Variants in IQANK1 observed in about 807,000 individuals in gnomAD.
IQANK1 encodes IQ motif and ankyrin repeat containing 1.
IQANK1 carries 30 observed loss-of-function variants against 22.6 expected under a neutral mutation model. The observed-to-expected ratio is 1.33, with a 90% confidence interval of 0.99 to 1.80. The LOEUF is 1.80. Among genes scored for constraint, IQANK1 ranks in the 40% most tolerant of loss-of-function variants. The probability of loss-of-function intolerance (pLI) is 0.00; values close to 1 mark genes in which losing one functional copy is unlikely to be tolerated. For missense variants in IQANK1, 275 were observed against 235.2 expected, an observed-to-expected ratio of 1.17 and a Z score of -1.11; for synonymous variants, 122 against 99.6, an observed-to-expected ratio of 1.23 and a Z score of -1.34.
intron 3 of IQANK1, among the ~76,000 whole-genome samples, chr8:143,749,265 A>C (rs1334861251): frequency 8.0e-6 from 1 of 124,944 alleles, no homozygotes; most frequent in African/African-American, 3.2e-5. Flanking sequence ...TATGATATAA[A>C]TGTATATATA....
chr8:143,749,982 T>G (rs1301341918), intron 3 of IQANK1, among the ~76,000 whole-genome samples: 1 of 151,790 alleles, frequency 6.6e-6, no homozygotes, highest in Non-Finnish European at 1.5e-5. Context: ...TGTGAACTTT[T>G]TTTTAAATTT....
In IQANK1 at chr8:143,768,358, G is replaced by A. The variant is rs1256134186; in HGVS notation, c.176-3130G>A. On this transcript the variant is annotated intron_variant, in intron 3 of 13. Coordinates refer to ENST00000527139, the MANE Select transcript of IQANK1 (RefSeq NM_001381874.1). ...TCTCACTGCTTGTGACGTTGCCCTC[G>A]ATCACTTAGTGGGGGGGTTTCCGCC... Among the ~76,000 whole-genome samples, 3 of 151,900 alleles carry A rather than the reference G, an allele frequency of 2.0e-5. No individual in the cohort carries two copies. The East Asian group carries it at 5.8e-4, about 29-fold the overall frequency.
intron 3 of IQANK1, among the ~76,000 whole-genome samples, chr8:143,749,474 A>G (rs1183225552): frequency 7.4e-6 from 1 of 135,960 alleles, no homozygotes; most frequent in Non-Finnish European, 1.5e-5. Context: ...ATATATAAAT[A>G]TATGTATAAA....
chr8:143,777,512 C>A (rs1345657096), intron 7 of IQANK1, among the ~76,000 whole-genome samples: 3 of 130,448 alleles, frequency 2.3e-5, no homozygotes, highest in Non-Finnish European at 3.2e-5. Flanking sequence ...CAGAACAAGA[C>A]TCCGTCTTAA....
chr8:143,739,237 G>C (rs570045027), intron 2 of IQANK1, among the ~76,000 whole-genome samples: 1 of 152,004 alleles, frequency 6.6e-6, no homozygotes, highest in Non-Finnish European at 1.5e-5. Context: ...TTCTTGTTGG[G>C]AGGGTGGGCT....
At chr8:143,739,001 T>G (rs1164132721) in intron 2 of IQANK1, among the ~76,000 whole-genome samples, 2 of 152,142 alleles carry the variant, frequency 1.3e-5, no homozygotes, top group African/African-American at 2.4e-5. Context: ...CTGGAGAGAC[T>G]GGGCCCTCAA....
At chr8:143,755,367 CATTT>C (rs1265834658) in intron 3 of IQANK1, among the ~76,000 whole-genome samples, 3 of 152,076 alleles carry the variant, frequency 2.0e-5, no homozygotes, top group African/African-American at 4.8e-5. Context: ...TATTTTATTT[CATTT>C]ATTTATTTAT....
At chr8:143,778,112 G>A (rs1252997462) in intron 7 of IQANK1, among the ~76,000 whole-genome samples, 1 of 151,838 alleles carries the variant, frequency 6.6e-6, no homozygotes, top group Admixed American at 6.6e-5. Context: ...GGAGAATGGC[G>A]TGAACCCAGG....
intron 7 of IQANK1, among the ~76,000 whole-genome samples, chr8:143,775,787 TACACACACACACACAC>T (rs35665050): frequency 2.3e-5 from 3 of 129,506 alleles, no homozygotes; most frequent in East Asian, 4.6e-4. Context: ...ATAGCTGTAT[TACACACACACACACAC>T]ACACACACAC....
At chr8:143,740,382 G>T (rs1174855535) in intron 3 of IQANK1, among the ~76,000 whole-genome samples, 1 of 152,188 alleles carries the variant, frequency 6.6e-6, no homozygotes, top group Non-Finnish European at 1.5e-5. Context: ...CTGCAGCTCC[G>T]ACCCTGCGCT....
rs115423868 is a variant in IQANK1 at position 143,787,665 on chromosome 8, G to A, written c.790-1250G>A. On this transcript the variant is annotated intron_variant, in intron 7 of 13. Coordinates refer to ENST00000527139, the MANE Select transcript of IQANK1 (RefSeq NM_001381874.1). ...GCTACAGGGAACTCATCCTGCCCCCGCTCTTTCCCCTCATCCTGTCTTCAT... is the reference window on the plus strand; with the variant it reads ...GCTACAGGGAACTCATCCTGCCCCCACTCTTTCCCCTCATCCTGTCTTCAT... Among the ~76,000 whole-genome samples the A allele has an allele frequency of 6.4e-3, 966 of 152,042 alleles. 9 individuals are homozygous for A. Among genetic ancestry groups the A allele is most frequent in the African/African-American group, 0.021 (882 of 41,434 alleles).
At chr8:143,740,249 C>T (rs1818869368) in intron 3 of IQANK1, among the ~76,000 whole-genome samples, 2 of 151,996 alleles carry the variant, frequency 1.3e-5, no homozygotes, top group Admixed American at 6.5e-5. Flanking sequence ...CTCGCCCTCG[C>T]GGGGGTCGGG....
At position 143,771,146 on chromosome 8, in the gene IQANK1, C is replaced by A. The variant is rs1268959514; in HGVS notation, c.176-342C>A. 6.6e-6 allele frequency among the ~76,000 whole-genome samples: 1 copy of A among 152,188 alleles called. No homozygotes were observed. The highest frequency in any genetic ancestry group is 2.4e-5 in the African/African-American group (1 of 41,462). On this transcript the variant is annotated intron_variant, in intron 3 of 13. Coordinates refer to ENST00000527139, the MANE Select transcript of IQANK1 (RefSeq NM_001381874.1). The surrounding 1 kb of genome is among the most constrained non-coding windows in gnomAD (Gnocchi z 6.0). ...GGGGCCTGGATGCAGGAGGGGCCTT[C>A]GGCTTTCAGGGAAGGGTGTCCCGCG... is the stretch of plus-strand genomic sequence containing the variant.
intron 2 of IQANK1, among the ~76,000 whole-genome samples, chr8:143,737,565 C>A (rs1818775280): frequency 6.6e-6 from 1 of 152,186 alleles, no homozygotes; most frequent in Non-Finnish European, 1.5e-5. Context: ...TGGGCCTCCA[C>A]AGGCATCCCT....
intron 13 of IQANK1, 31 bp from the exon 14 acceptor site, chr8:143,790,319 C>T: frequency 8.1e-7 from 1 of 1,228,578 alleles, no homozygotes; most frequent in Non-Finnish European, 1.0e-6. Context: ...CTCCCTAGCC[C>T]CACCCTGGCC....
chr8:143,767,471 A>G (rs1819500132), intron 3 of IQANK1, among the ~76,000 whole-genome samples: 1 of 152,182 alleles, frequency 6.6e-6, no homozygotes, highest in Non-Finnish European at 1.5e-5. Context: ...CAGAAAAGTA[A>G]CAGAATTAGT....
At chr8:143,781,387 A>T (rs1330015971) in intron 7 of IQANK1, among the ~76,000 whole-genome samples, 1 of 151,958 alleles carries the variant, frequency 6.6e-6, no homozygotes, top group Non-Finnish European at 1.5e-5. Flanking sequence ...TTGTCATGAA[A>T]TTTTTGCCCG....
chr8:143,765,991 G>T (rs1554629202), intron 3 of IQANK1, among the ~76,000 whole-genome samples: 1 of 152,220 alleles, frequency 6.6e-6, no homozygotes, highest in African/African-American at 2.4e-5. Context: ...TAAGGCACAG[G>T]TGTGCCAAGC....
chr8:143,789,968 C>T lies in IQANK1; in HGVS notation c.1196-3C>T, dbSNP rs1819991754. The T allele has an allele frequency of 3.2e-6, 4 of 1,232,036 alleles. No individual in the cohort carries two copies. The highest frequency in any genetic ancestry group is 4.0e-6 in the Non-Finnish European group (4 of 988,030). The allele number at this position is 1,232,036 out of a possible 1,614,324, so 76.3% of individuals were successfully genotyped here. A position where few individuals can be genotyped will look rare whatever the true frequency, so the allele number is the denominator to read the frequency against. On this transcript the variant is annotated splice_region_variant and splice_polypyrimidine_tract_variant and intron_variant, in intron 11 of 13. Transcript: ENST00000527139. Reference sequence around the variant, plus strand: ...TGTCAGCTGCACTCTGCTACCCCGACAGGGGAGGAAGAGGCGCCTGGGCTG... The same window carrying T: ...TGTCAGCTGCACTCTGCTACCCCGATAGGGGAGGAAGAGGCGCCTGGGCTG...
Sources: gnomAD v4.1 joint callset for allele counts (sites outside exome capture counted in the v4.1 genomes callset) on GRCh38, gnomAD v4.1.1 for gene constraint, Gnocchi (gnomAD v3.1) non-coding constraint, MANE v1.5 for transcripts, NCBI Gene and HGNC (gene_info 2026-07-23, HGNC 2026-07-21) for gene names.